AGK: variants seen among roughly 807,000 people sequenced by gnomAD.
AGK encodes the protein acylglycerol kinase, mitochondrial.
In AGK, 52 loss-of-function variants were observed where a neutral mutation model predicts 66.4. The ratio of observed to expected loss-of-function variants is 0.78; its 90% CI spans 0.63 to 0.99. The LOEUF is 0.99. AGK is among the 50% of genes least tolerant of loss of function. The pLI is 0.00. For missense variants in AGK, 451 were observed against 506.6 expected (o/e 0.89, Z 1.05); for synonymous variants, 182 against 181.1 (o/e 1.00, Z -0.04).
rs1334831279 is a variant in AGK, at chr7:141,652,780, T to C, written c.1132-7T>C. 1 of 1,612,568 alleles carries C rather than the reference T, an allele frequency of 6.2e-7. No homozygotes were observed. The highest frequency in any genetic ancestry group is 1.1e-5 in the South Asian group (1 of 90,994). On this transcript the variant is annotated splice_polypyrimidine_tract_variant and splice_region_variant and intron_variant, in intron 15 of 15. Transcript: ENST00000649286. ...TTGAGCTGTTCTGAATATTCTCTTC[T>C]CCCCAGGGAGCAGGGGGCTCTTTTA...
rs1397355685 is a variant in AGK at position 141,600,353 on chromosome 7, C to T, written c.222-852C>T. ...ACTTCTGTGTCCCTGGATTCCTAGA[C>T]TGTGTTTTTGAATTCTGACCTGAAT... On this transcript the variant is annotated intron_variant, in intron 4 of 15. Coordinates refer to ENST00000649286, the MANE Select transcript of AGK (RefSeq NM_018238.4). Among the ~76,000 whole-genome samples, 3 of 152,240 alleles carry T rather than the reference C, an allele frequency of 2.0e-5. No homozygotes were observed. The East Asian group carries it at 5.8e-4, about 29-fold the overall frequency.
chr7:141,560,860 G>A (rs1252364673), intron 2 of AGK, among the ~76,000 whole-genome samples: 2 of 142,716 alleles, frequency 1.4e-5, no homozygotes, highest in Non-Finnish European at 3.0e-5. Flanking sequence ...GCAGTGGCAC[G>A]ATCTCGGCTC....
intron 2 of AGK, among the ~76,000 whole-genome samples, chr7:141,577,207 C>T (rs1198799340): frequency 1.3e-5 from 2 of 152,206 alleles, no homozygotes; most frequent in Non-Finnish European, 1.5e-5. Flanking sequence ...TCTGTCTTTC[C>T]AGGGTTAACT....
chr7:141,574,361 C>G (rs1207889265), intron 2 of AGK, among the ~76,000 whole-genome samples: 2 of 152,144 alleles, frequency 1.3e-5, no homozygotes, highest in Non-Finnish European at 2.9e-5. Context: ...CAGTCAGAGG[C>G]AGAACTTTTT....
chr7:141,561,039 C>T (rs943949059), intron 2 of AGK, among the ~76,000 whole-genome samples: 7 of 152,108 alleles, frequency 4.6e-5, no homozygotes, highest in East Asian at 1.9e-4. Context: ...GTGATCCGCC[C>T]GCCTCGGCCT....
chr7:141,583,621 C>T (rs1251948779), intron 2 of AGK, among the ~76,000 whole-genome samples: 1 of 151,910 alleles, frequency 6.6e-6, no homozygotes, highest in Non-Finnish European at 1.5e-5. Flanking sequence ...AAGGTGTCCC[C>T]ATGGTTATCA....
In AGK at chr7:141,619,114, ATT is replaced by A. The variant is rs1351026775; in HGVS notation, c.519-2617_519-2616del. Among the ~76,000 whole-genome samples, 207 of 152,312 alleles carry A rather than the reference ATT, an allele frequency of 1.4e-3. 2 individuals are homozygous for A. Among genetic ancestry groups the A allele is most frequent in the African/African-American group, 4.8e-3 (199 of 41,588 alleles). On this transcript the variant is annotated intron_variant, in intron 8 of 15. Transcript: ENST00000649286. Reference sequence around the variant, plus strand: ...TTGTGAGGCTTCGTACTGAGATGTCATTCTCTCCACAACTGATCTATAAATTC... The same window carrying A: ...TTGTGAGGCTTCGTACTGAGATGTCACTCTCCACAACTGATCTATAAATTC...
At chr7:141,629,475 T>G (rs778568628) in intron 9 of AGK, among the ~76,000 whole-genome samples, 1 of 152,160 alleles carries the variant, frequency 6.6e-6, no homozygotes, top group Non-Finnish European at 1.5e-5. Context: ...AGTGGGACTT[T>G]GTCTATTATT....
At chr7:141,590,991 G>A (rs555359778) in intron 2 of AGK, among the ~76,000 whole-genome samples, 11 of 152,046 alleles carry the variant, frequency 7.2e-5, no homozygotes, top group Non-Finnish European at 1.0e-4. Flanking sequence ...TTCACAAGGG[G>A]TGAGTCTCCT....
chr7:141,634,435 G>A (rs991504751), intron 10 of AGK, among the ~76,000 whole-genome samples: 1 of 152,158 alleles, frequency 6.6e-6, no homozygotes, highest in Admixed American at 6.5e-5. Flanking sequence ...ACCACAGGCC[G>A]CTGCTCTTAG....
chr7:141,574,380 C>T (rs1045179841), intron 2 of AGK, among the ~76,000 whole-genome samples: 4 of 152,114 alleles, frequency 2.6e-5, no homozygotes, highest in Non-Finnish European at 4.4e-5. Context: ...TTCCCCAGTG[C>T]CCACAGAACT....
chr7:141,621,928 C>T (rs1382980824), intron 9 of AGK, 127 bp downstream of exon 9: 2 of 648,120 alleles, frequency 3.1e-6, no homozygotes, highest in Non-Finnish European at 5.3e-6. Flanking sequence ...CATTCCTACC[C>T]CAAGTATTAG....
chr7:141,590,301 G>T (rs1389283660), intron 2 of AGK, among the ~76,000 whole-genome samples: 1 of 152,200 alleles, frequency 6.6e-6, no homozygotes, highest in Non-Finnish European at 1.5e-5. Flanking sequence ...TAGAGGAGGA[G>T]CCTGGAAATG....
At chr7:141,620,516 A>G (rs1235493711) in intron 8 of AGK, among the ~76,000 whole-genome samples, 1 of 128,676 alleles carries the variant, frequency 7.8e-6, no homozygotes. Context: ...TGCCCCCAAG[A>G]TTGGAGAGAC....
intron 11 of AGK, among the ~76,000 whole-genome samples, chr7:141,639,364 A>G (rs1797238494): frequency 6.6e-6 from 1 of 152,198 alleles, no homozygotes; most frequent in South Asian, 2.1e-4. Flanking sequence ...GGAATTTTTA[A>G]AAGTGGAGAA....
At chr7:141,562,345 G>A (rs1210132092) in intron 2 of AGK, among the ~76,000 whole-genome samples, 1 of 152,220 alleles carries the variant, frequency 6.6e-6, no homozygotes, top group Non-Finnish European at 1.5e-5. Context: ...GTAATAGTGG[G>A]ATTTGAACTT....
chr7:141,645,566 G>C lies in AGK; in HGVS notation c.975+3658G>C, dbSNP rs141702587. ...GCACTGGATAGGACCTCAGTACATG[G>C]TTAAATAGAAGTAGCAGTAACAGGA... On this transcript the variant is annotated intron_variant, in intron 13 of 15. Coordinates refer to ENST00000649286, the MANE Select transcript of AGK (RefSeq NM_018238.4). 1.3e-3 allele frequency among the ~76,000 whole-genome samples: 200 copies of C among 152,182 alleles called. 1 individual carries two copies. The highest frequency in any genetic ancestry group is 4.6e-3 in the African/African-American group (189 of 41,516).
At chr7:141,617,747 G>A (rs973636334) in intron 8 of AGK, among the ~76,000 whole-genome samples, 1 of 152,124 alleles carries the variant, frequency 6.6e-6, no homozygotes, top group Admixed American at 6.5e-5. Flanking sequence ...AAAAAGACTT[G>A]ATGAGTTACA....
intron 2 of AGK, among the ~76,000 whole-genome samples, chr7:141,562,790 G>C (rs1795377944): frequency 1.3e-5 from 2 of 152,322 alleles, no homozygotes; most frequent in African/African-American, 4.8e-5. Flanking sequence ...CGCTGAGAAA[G>C]CAGGCAAGGC....
Sources: allele counts gnomAD v4.1 joint callset (sites outside exome capture counted in the v4.1 genomes callset), GRCh38; gene constraint gnomAD v4.1.1; transcripts MANE v1.5; gene names NCBI Gene and HGNC (gene_info 2026-07-23, HGNC 2026-07-21).